Variants in XRCC1 observed in about 807,000 individuals in gnomAD.
XRCC1 encodes DNA repair protein XRCC1.
In XRCC1, 52 loss-of-function variants were observed where a neutral mutation model predicts 83.3. That is an observed-to-expected ratio of 0.62 (90% CI 0.50 to 0.79). The LOEUF (loss-of-function observed/expected upper bound fraction) is 0.79. Among genes scored for constraint, XRCC1 ranks in the 30% least tolerant of loss-of-function variants. XRCC1 has a pLI of 0.00. For synonymous variants in XRCC1, 281 were observed against 312.6 expected, an observed-to-expected ratio of 0.90 and a Z score of 1.07; for missense variants, 793 against 823.5, an observed-to-expected ratio of 0.96 and a Z score of 0.45.
Position 43,543,461 on chromosome 19 carries a change from C to T in XRCC1, c.1833G>A (p.Trp611Ter). Reference protein sequence around the residue: ...NPSLAFVRPRWIYSCNEKQKL... With the variant: ...NPSLAFVRPR ...TCTGCTTCTCATTGCAACTGTAGAT[C>T]CATCGGGGACGAACGAATGCCAGGG... is the stretch of plus-strand genomic sequence containing the variant. Residue 611 changes from tryptophan (W) to a stop codon, truncating the protein, a stop_gained, in exon 17 of 17, where the codon TGG becomes TGA. Transcript: ENST00000262887. LOFTEE classifies it high-confidence loss of function. 6.2e-7 allele frequency: 1 copy of T among 1,613,440 alleles called. No homozygotes were observed. Among genetic ancestry groups the T allele is most frequent in the South Asian group, 1.1e-5 (1 of 91,050 alleles).
At chr19:43,568,219 G>C (rs554902224) in intron 2 of XRCC1, among the ~76,000 whole-genome samples, 207 of 152,038 alleles carry the variant, frequency 1.4e-3, no homozygotes, top group Non-Finnish European at 1.7e-3. Context: ...GGTAGGCTGC[G>C]CACGGCGTGG....
intron 2 of XRCC1, among the ~76,000 whole-genome samples, chr19:43,565,518 T>C (rs1317190231): frequency 6.6e-6 from 1 of 152,252 alleles, no homozygotes; most frequent in Non-Finnish European, 1.5e-5. Context: ...TCTCCCACAA[T>C]ATTCAGCATA....
intron 7 of XRCC1, 36 bp from the exon 8 acceptor site, chr19:43,552,944 C>T: frequency 1.2e-6 from 2 of 1,610,408 alleles, no homozygotes; most frequent in South Asian, 2.2e-5. Flanking sequence ...CCTCCAGCTT[C>T]TCTCCTCCTC....
Position 43,553,197 on chromosome 19 carries a change from C to G in XRCC1, c.602-106G>C, listed in dbSNP as rs909008. On this transcript the variant is annotated intron_variant, in intron 6 of 16. Coordinates refer to ENST00000262887, the MANE Select transcript of XRCC1 (RefSeq NM_006297.3). ...TTGTTGCCAAAACCCACCAGTGATC[C>G]AGGAGTCCCAGCCTCCAGACCTCTC... The G allele has an allele frequency of 9.2e-3, 11,801 of 1,282,644 alleles. 337 individuals are homozygous for G. The highest frequency in any genetic ancestry group is 0.062 in the African/African-American group (4,199 of 67,636). 79.5% of individuals were successfully genotyped at this position (1,282,644 alleles called of 1,614,324 possible). A position where few individuals can be genotyped will look rare whatever the true frequency, so the allele number is the denominator to read the frequency against.
intron 12 of XRCC1, 85 bp from the exon 13 acceptor site, chr19:43,546,191 A>C: frequency 4.0e-6 from 6 of 1,496,988 alleles, no homozygotes; most frequent in Non-Finnish European, 5.6e-6. Flanking sequence ...AGACCCAGGC[A>C]TCTCATGCCC....
In XRCC1 at chr19:43,554,678, C is replaced by T. The variant is rs752224292; in HGVS notation, c.382G>A (p.Val128Ile). ...TAGGGCTGGCTGCAAACAATTTTGA[C>T]CCGGTCCCAGCGCTTCTCGGCGGCT... Reference protein sequence around the residue: ...RAAAEKRWDRVKIVCSQPYSK... With the variant: ...RAAAEKRWDRIKIVCSQPYSK... The change falls in exon 4 of 17, where the codon GTC (valine) becomes ATC (isoleucine). Residue 128 changes from valine (V) to isoleucine (I), a missense_variant. By Grantham distance (29) the Val-to-Ile change is conservative. Coordinates refer to ENST00000262887, the MANE Select transcript of XRCC1 (RefSeq NM_006297.3). 6.2e-7 allele frequency: 1 copy of T among 1,613,408 alleles called. No individual in the cohort carries two copies. Among genetic ancestry groups the T allele is most frequent in the South Asian group, 1.1e-5 (1 of 91,030 alleles).
chr19:43,551,768 G>C (rs201887346), intron 9 of XRCC1, 81 bp from the exon 10 acceptor site: 27 of 1,130,962 alleles, frequency 2.4e-5, no homozygotes, highest in East Asian at 7.0e-5. Flanking sequence ...GACAGACAGA[G>C]AGAGAGAGAG....
intron 10 of XRCC1, among the ~76,000 whole-genome samples, chr19:43,549,301 C>A (rs1019327413): frequency 6.6e-6 from 1 of 152,016 alleles, no homozygotes; most frequent in Admixed American, 6.6e-5. Context: ...CGCTCTGTCC[C>A]CAGGCTGGAG....
chr19:43,558,829 C>CTT (rs1233920680), intron 3 of XRCC1, among the ~76,000 whole-genome samples: 1 of 142,530 alleles, frequency 7.0e-6, no homozygotes, highest in African/African-American at 2.5e-5. Context: ...AAAGGCAAGT[C>CTT]TTTTTTTTTT....
In XRCC1 at chr19:43,561,025, G is replaced by C; in HGVS notation, c.145-5C>G. 6.2e-7 allele frequency: 1 copy of C among 1,611,866 alleles called. No homozygotes were observed. Among genetic ancestry groups the C allele is most frequent in the Non-Finnish European group, 8.5e-7 (1 of 1,177,992 alleles). ...TATCTGCTCCTCCTTCTCCAACTGTGGGCAGAGAGAGAGGCCACTGTCAGT... is the reference window on the plus strand; with the variant it reads ...TATCTGCTCCTCCTTCTCCAACTGTCGGCAGAGAGAGAGGCCACTGTCAGT... On this transcript the variant is annotated splice_region_variant and splice_polypyrimidine_tract_variant and intron_variant, in intron 2 of 16. Transcript: ENST00000262887.
chr19:43,552,017 A>T lies in XRCC1; in HGVS notation c.1082T>A (p.Ile361Asn). ...CGCAGGGAGGGGGGCGCAAGCCTAC[A>T]TGAGGTGCGTGCTGTCCCGGGTCCA... Reference protein sequence around the residue: ...PDWTRDSTHLICAFANTPKYS... With the variant: ...PDWTRDSTHLNCAFANTPKYS... Residue 361 changes from isoleucine (I) to asparagine (N), a missense_variant and splice_region_variant, in exon 9 of 17, where the codon ATC (isoleucine) becomes AAC (asparagine). Physicochemically the swap from Ile to Asn is moderately radical, Grantham distance 149. Transcript: ENST00000262887. 5.0e-6 allele frequency: 8 copies of T among 1,613,818 alleles called. No individual in the cohort carries two copies. The highest frequency in any genetic ancestry group is 6.8e-6 in the Non-Finnish European group (8 of 1,179,778).
intron 2 of XRCC1, among the ~76,000 whole-genome samples, chr19:43,572,758 T>C (rs1972816529): frequency 6.6e-6 from 1 of 152,074 alleles, no homozygotes; most frequent in African/African-American, 2.4e-5. Flanking sequence ...ACCTGGGAAG[T>C]GGAGGCCATT....
At chr19:43,568,447 C>T (rs902973773) in intron 2 of XRCC1, among the ~76,000 whole-genome samples, 1 of 151,888 alleles carries the variant, frequency 6.6e-6, no homozygotes, top group Middle Eastern at 3.4e-3. Context: ...CAGTGAGCCA[C>T]GATCGCACTA....
At chr19:43,547,072 C>T in intron 10 of XRCC1, 95 bp from the exon 11 acceptor site, 2 of 1,170,628 alleles carry the variant, frequency 1.7e-6, no homozygotes, top group Non-Finnish European at 1.2e-6. Context: ...AAAATACTCA[C>T]TCTAGTGGGC....
intron 2 of XRCC1, among the ~76,000 whole-genome samples, chr19:43,571,806 T>A (rs1600061418): frequency 6.6e-6 from 1 of 152,240 alleles, no homozygotes. Context: ...ATATTTTTTG[T>A]CTTCTGCTGT....
chr19:43,548,113 G>A (rs2146044750), intron 10 of XRCC1, among the ~76,000 whole-genome samples: 1 of 150,300 alleles, frequency 6.7e-6, no homozygotes, highest in South Asian at 2.1e-4. Flanking sequence ...GGAGGTGGGG[G>A]GGTCAGCCCC....
intron 10 of XRCC1, among the ~76,000 whole-genome samples, chr19:43,547,433 G>A (rs960857177): frequency 6.7e-5 from 10 of 148,840 alleles, no homozygotes; most frequent in South Asian, 2.1e-4. Flanking sequence ...CTCTGCCCCC[G>A]TCAGCCTCTG....
intron 2 of XRCC1, among the ~76,000 whole-genome samples, chr19:43,567,135 T>C (rs1450027306): frequency 1.3e-5 from 2 of 152,124 alleles, no homozygotes; most frequent in Non-Finnish European, 2.9e-5. Context: ...AGAAAGTAGA[T>C]CAGTGGTTGC....
chr19:43,544,068 C>G, intron 15 of XRCC1, 76 bp downstream of exon 15: 1 of 1,376,802 alleles, frequency 7.3e-7, no homozygotes. Context: ...TCCCACACCC[C>G]CACCCCTCCC....
Sources: gnomAD v4.1 joint callset for allele counts (sites outside exome capture counted in the v4.1 genomes callset) on GRCh38, gnomAD v4.1.1 for gene constraint, MANE v1.5 for transcripts, NCBI Gene and HGNC (gene_info 2026-07-23, HGNC 2026-07-21) for gene names.